DPYD: variants seen among roughly 807,000 people sequenced by gnomAD.
The protein encoded by DPYD is dihydropyrimidine dehydrogenase, also known as dihydropyrimidine dehydrogenase [NADP(+)].
Under a neutral mutation model 116.2 loss-of-function variants are expected in DPYD, and 109 were observed. The observed-to-expected ratio is 0.94, with a 90% confidence interval of 0.80 to 1.10. DPYD has a LOEUF of 1.10. Among genes scored for constraint, DPYD ranks in the 50% least tolerant of loss-of-function variants. DPYD has a pLI of 0.00. For missense variants in DPYD, 1,302 were observed against 1,254.5 expected, an observed-to-expected ratio of 1.04 and a Z score of -0.57; for synonymous variants, 440 against 432.0, an observed-to-expected ratio of 1.02 and a Z score of -0.23.
rs147976760 is a variant in DPYD at position 97,685,918 on chromosome 1, T to C, written c.762+5799A>G. On this transcript the variant is annotated intron_variant, in intron 7 of 22. Coordinates refer to ENST00000370192, the MANE Select transcript of DPYD (RefSeq NM_000110.4). ...TAGGCATCCTGCCCGAAGCAATTTA[T>C]ACATTCAATGCTATTCCCATTAAAC... 2.3e-3 allele frequency among the ~76,000 whole-genome samples: 351 copies of C among 152,308 alleles called. 1 individual carries two copies. Among genetic ancestry groups the C allele is most frequent in the African/African-American group, 7.9e-3 (327 of 41,564 alleles).
chr1:97,514,289 T>G (rs1648037016), intron 13 of DPYD: 1 of 948,462 alleles, frequency 1.1e-6, no homozygotes, highest in Non-Finnish European at 1.3e-6. Flanking sequence ...TGTCTCTGAT[T>G]AATCAGAATT....
At chr1:97,223,388 AACACACACACAC>A (rs67855545) in intron 19 of DPYD, among the ~76,000 whole-genome samples, 37,046 of 148,336 alleles carry the variant, frequency 0.25, 4,908 homozygotes, top group Admixed American at 0.31. Flanking sequence ...GATAGAATTA[AACACACACACAC>A]ACACACACAC....
intron 1 of DPYD, among the ~76,000 whole-genome samples, chr1:97,893,753 T>A (rs1672899582): frequency 6.6e-6 from 1 of 151,766 alleles, no homozygotes; most frequent in Admixed American, 6.6e-5. Flanking sequence ...ACTCTCACAC[T>A]CAACAAGGTA....
chr1:97,315,862 A>G (rs1044369289), intron 16 of DPYD, among the ~76,000 whole-genome samples: 1 of 151,976 alleles, frequency 6.6e-6, no homozygotes, highest in African/African-American at 2.4e-5. Flanking sequence ...ACCAGGAAGC[A>G]GGGCTAATTT....
At chr1:97,222,383 T>G (rs1467136058) in intron 19 of DPYD, among the ~76,000 whole-genome samples, 1 of 152,148 alleles carries the variant, frequency 6.6e-6, no homozygotes, top group Non-Finnish European at 1.5e-5. Context: ...GCTATTATTT[T>G]TTTCTATAGT....
At chr1:97,298,174 T>C (rs1423101836) in intron 18 of DPYD, among the ~76,000 whole-genome samples, 1 of 152,200 alleles carries the variant, frequency 6.6e-6, no homozygotes, top group Non-Finnish European at 1.5e-5. Context: ...CTAACTAAAA[T>C]GCTCGATGAT....
chr1:97,426,468 C>G (rs1252778348), intron 14 of DPYD, among the ~76,000 whole-genome samples: 1 of 151,974 alleles, frequency 6.6e-6, no homozygotes, highest in East Asian at 1.9e-4. Flanking sequence ...GAGCAAGGAC[C>G]CATGAGGCTG....
At chr1:97,473,089 A>C (rs533196634) in intron 13 of DPYD, among the ~76,000 whole-genome samples, 9 of 152,308 alleles carry the variant, frequency 5.9e-5, no homozygotes, top group Admixed American at 1.3e-4. Context: ...TAAAATTGTA[A>C]GTGTGTACCC....
chr1:97,287,735 G>T (rs4285754), intron 18 of DPYD, among the ~76,000 whole-genome samples: 47,225 of 151,972 alleles, frequency 0.31, 7,704 homozygotes, highest in Non-Finnish European at 0.35. Context: ...CTCCGAGCCA[G>T]GTGCAGGATA....
At chr1:97,145,944 C>T (rs907515404) in intron 20 of DPYD, among the ~76,000 whole-genome samples, 1 of 152,000 alleles carries the variant, frequency 6.6e-6, no homozygotes, top group South Asian at 2.1e-4. Flanking sequence ...AAACTCAAGG[C>T]TTCAATTGAG....
chr1:97,116,760 T>A (rs1651995910), intron 20 of DPYD, among the ~76,000 whole-genome samples: 1 of 152,062 alleles, frequency 6.6e-6, no homozygotes, highest in South Asian at 2.1e-4. Context: ...GGGTAGTTTT[T>A]CTCACAGGAT....
At chr1:97,753,080 T>C (rs1665022129) in intron 3 of DPYD, among the ~76,000 whole-genome samples, 1 of 152,162 alleles carries the variant, frequency 6.6e-6, no homozygotes, top group Non-Finnish European at 1.5e-5. Context: ...ATGCAAGGGG[T>C]TACTATATGC....
intron 16 of DPYD, among the ~76,000 whole-genome samples, chr1:97,331,316 G>T (rs572108412): frequency 2.1e-4 from 32 of 152,152 alleles, no homozygotes; most frequent in Non-Finnish European, 3.8e-4. Flanking sequence ...CAGAAAAAGA[G>T]GAAATTAAAA....
intron 14 of DPYD, among the ~76,000 whole-genome samples, chr1:97,388,859 G>A (rs1392419176): frequency 6.6e-6 from 1 of 152,072 alleles, no homozygotes; most frequent in Non-Finnish European, 1.5e-5. Context: ...AGAGAAAGAA[G>A]CTCTTGAGAA....
At chr1:97,456,473 T>C (rs1402574741) in intron 13 of DPYD, among the ~76,000 whole-genome samples, 1 of 152,072 alleles carries the variant, frequency 6.6e-6, no homozygotes, top group Non-Finnish European at 1.5e-5. Flanking sequence ...TGATAGAATA[T>C]AGCTCTCTGA....
chr1:97,844,577 G>A (rs1319350329), intron 2 of DPYD, among the ~76,000 whole-genome samples: 1 of 152,212 alleles, frequency 6.6e-6, no homozygotes, highest in East Asian at 1.9e-4. Context: ...GATAACAGCG[G>A]TGGTCTATCT....
At chr1:97,297,232 G>A (rs1666589643) in intron 18 of DPYD, among the ~76,000 whole-genome samples, 1 of 152,246 alleles carries the variant, frequency 6.6e-6, no homozygotes, top group Non-Finnish European at 1.5e-5. Context: ...AAGCTGGCCT[G>A]ACCAAATTCC....
rs1662930987 is a variant in DPYD at position 97,721,646 on chromosome 1, A to G, written c.347T>C (p.Ile116Thr). The G allele has an allele frequency of 1.2e-6, 2 of 1,611,348 alleles. No homozygotes were observed. The highest frequency in any genetic ancestry group is 1.7e-5 in the Admixed American group (1 of 59,730). The change falls in exon 5 of 23, where the codon ATA (isoleucine) becomes ACA (threonine). Residue 116 changes from isoleucine (I) to threonine (T), a missense_variant. Ile to Thr is a moderately conservative substitution (Grantham distance 89, BLOSUM62 -1). Transcript: ENST00000370192. ...CAGACCAAGTGGGTTGTCAGAAAAT[A>G]TCATCTTAGCAGCTCCATAATAGTT... is the stretch of plus-strand genomic sequence containing the variant. ...NKNYYGAAKM[I>T]FSDNPLGLTC...
chr1:97,506,430 C>T (rs1647336185), intron 13 of DPYD, among the ~76,000 whole-genome samples: 1 of 151,782 alleles, frequency 6.6e-6, no homozygotes, highest in East Asian at 1.9e-4. Flanking sequence ...TTATGTGAGA[C>T]AGAATAAGGG....
Sources: gnomAD v4.1 joint callset for allele counts (sites outside exome capture counted in the v4.1 genomes callset) on GRCh38, gnomAD v4.1.1 for gene constraint, MANE v1.5 for transcripts, NCBI Gene and HGNC (gene_info 2026-07-23, HGNC 2026-07-21) for gene names.